SLC9A9: variants seen among roughly 807,000 people sequenced by gnomAD.
SLC9A9 encodes sodium/hydrogen exchanger 9.
SLC9A9 carries 62 observed loss-of-function variants against 77.8 expected under a neutral mutation model. That is an observed-to-expected ratio of 0.80 (90% confidence interval 0.65 to 0.98). The LOEUF is 0.98. Ranked by LOEUF, SLC9A9 falls within the 50% of genes least tolerant of loss-of-function variation. SLC9A9 has a pLI of 0.00. For missense variants in SLC9A9, 775 were observed against 774.9 expected, an observed-to-expected ratio of 1.00 and a Z score of 0.00; for synonymous variants, 320 against 283.5, an observed-to-expected ratio of 1.13 and a Z score of -1.29.
intron 11 of SLC9A9, among the ~76,000 whole-genome samples, chr3:143,486,927 T>C (rs1166738288): frequency 6.6e-6 from 1 of 151,952 alleles, no homozygotes; most frequent in African/African-American, 2.4e-5. Flanking sequence ...ACCTCTTTCT[T>C]ACCAGTAATT....
chr3:143,540,845 C>T (rs2036677064), intron 9 of SLC9A9, among the ~76,000 whole-genome samples: 1 of 152,030 alleles, frequency 6.6e-6, no homozygotes, highest in African/African-American at 2.4e-5. Context: ...ATGTTCAGTG[C>T]CTGACACATT....
At position 143,473,301 on chromosome 3, in the gene SLC9A9, T is replaced by C. The variant is rs147557011; in HGVS notation, c.1316-6111A>G. Among the ~76,000 whole-genome samples the C allele has an allele frequency of 6.8e-3, 1,033 of 152,248 alleles. 4 individuals carry two copies. The highest frequency in any genetic ancestry group is 0.011 in the Admixed American group (165 of 15,284). On this transcript the variant is annotated intron_variant, in intron 11 of 15. Coordinates refer to ENST00000316549, the MANE Select transcript of SLC9A9 (RefSeq NM_173653.4). ...TTCCTCAAAACCTAGCTTTATGAGGTCACGATTCAACTCAGCAAGAAGAAC... is the reference window on the plus strand; with the variant it reads ...TTCCTCAAAACCTAGCTTTATGAGGCCACGATTCAACTCAGCAAGAAGAAC...
Position 143,459,292 on chromosome 3 carries a change from T to C in SLC9A9, c.1469+7745A>G, listed in dbSNP as rs188630853. Among the ~76,000 whole-genome samples, 266 of 152,278 alleles carry C rather than the reference T, an allele frequency of 1.7e-3. 1 individual carries two copies. Among genetic ancestry groups the C allele is most frequent in the African/African-American group, 5.9e-3 (244 of 41,576 alleles). On this transcript the variant is annotated intron_variant, in intron 12 of 15. Transcript: ENST00000316549. ...TGGATCTTGTGAGACATTAAGATTT[T>C]TCTGGGTATTCATATGCTAAAAAAA...
chr3:143,666,363 C>T (rs2039068734), intron 5 of SLC9A9, among the ~76,000 whole-genome samples: 2 of 152,134 alleles, frequency 1.3e-5, no homozygotes, highest in African/African-American at 4.8e-5. Flanking sequence ...GTATGACAAA[C>T]CCACAGCCAA....
In SLC9A9 at chr3:143,612,222, T is replaced by C. The variant is rs528234441; in HGVS notation, c.756-33499A>G. The stretch of plus-strand genomic sequence containing the variant: ...TGTCAGTGTCAAGTTTGAAGAGAAA[T>C]AGATGTCACTACAGCAGCATAGCAG... On this transcript the variant is annotated intron_variant, in intron 6 of 15. Coordinates refer to ENST00000316549, the MANE Select transcript of SLC9A9 (RefSeq NM_173653.4). Among the ~76,000 whole-genome samples the C allele has an allele frequency of 5.8e-4, 89 of 152,314 alleles. No homozygotes were observed. The Middle Eastern group carries it at 0.014, about 23-fold the overall frequency.
chr3:143,530,649 AAAACAAAAC>A (rs1197722067), intron 9 of SLC9A9, among the ~76,000 whole-genome samples: 1 of 146,360 alleles, frequency 6.8e-6, no homozygotes, highest in East Asian at 1.9e-4. Flanking sequence ...AAAACAAAAC[AAAACAAAAC>A]AAACAAACAA....
intron 4 of SLC9A9, among the ~76,000 whole-genome samples, chr3:143,718,842 A>T (rs1050013252): frequency 2.0e-5 from 3 of 152,176 alleles, no homozygotes; most frequent in African/African-American, 7.2e-5. Context: ...AATTGAATAT[A>T]AGGTAAAGAG....
At chr3:143,410,942 C>CT (rs975169564) in intron 12 of SLC9A9, among the ~76,000 whole-genome samples, 25 of 151,942 alleles carry the variant, frequency 1.6e-4, no homozygotes, top group Admixed American at 5.9e-4. Context: ...GTAATTAAAC[C>CT]TTTTTTGGTA....
At chr3:143,699,394 C>A (rs1037278408) in intron 4 of SLC9A9, among the ~76,000 whole-genome samples, 2 of 152,108 alleles carry the variant, frequency 1.3e-5, no homozygotes, top group African/African-American at 4.8e-5. Context: ...CTGGTTTTGA[C>A]TTCATATAGC....
At chr3:143,597,821 A>C (rs1014645636) in intron 6 of SLC9A9, among the ~76,000 whole-genome samples, 1 of 152,226 alleles carries the variant, frequency 6.6e-6, no homozygotes, top group African/African-American at 2.4e-5. Context: ...GATTTATCAA[A>C]GCTGTAAGGA....
At chr3:143,800,352 A>G (rs1576735840) in intron 2 of SLC9A9, among the ~76,000 whole-genome samples, 2 of 152,174 alleles carry the variant, frequency 1.3e-5, no homozygotes. Context: ...TTTAAAGCCT[A>G]CAAATTCTCC....
At chr3:143,478,422 C>T (rs776565900) in intron 11 of SLC9A9, among the ~76,000 whole-genome samples, 10 of 152,100 alleles carry the variant, frequency 6.6e-5, no homozygotes, top group Non-Finnish European at 1.3e-4. Flanking sequence ...CCCCAGTTCT[C>T]GAAGGTGCTT....
intron 11 of SLC9A9, among the ~76,000 whole-genome samples, chr3:143,490,425 A>G (rs2035721303): frequency 6.6e-6 from 1 of 152,160 alleles, no homozygotes; most frequent in South Asian, 2.1e-4. Context: ...CAATCACAAA[A>G]AGACAAATAC....
At chr3:143,813,112 G>A (rs926844512) in intron 2 of SLC9A9, among the ~76,000 whole-genome samples, 15 of 152,120 alleles carry the variant, frequency 9.9e-5, no homozygotes, top group Admixed American at 2.0e-4. Context: ...CTCGGTGCTG[G>A]TTTCATATCT....
intron 1 of SLC9A9, among the ~76,000 whole-genome samples, chr3:143,833,991 A>C (rs567807981): frequency 6.6e-6 from 1 of 152,326 alleles, no homozygotes; most frequent in Non-Finnish European, 1.5e-5. Flanking sequence ...ACCCAATGGT[A>C]ATGTAGAACT....
chr3:143,461,526 C>G (rs2035191916), intron 12 of SLC9A9, among the ~76,000 whole-genome samples: 1 of 152,138 alleles, frequency 6.6e-6, no homozygotes, highest in Non-Finnish European at 1.5e-5. Context: ...TCTGTACACA[C>G]AGAATGCTCA....
At chr3:143,693,427 C>T in intron 4 of SLC9A9, 120 bp from the exon 5 acceptor site, 1 of 785,262 alleles carries the variant, frequency 1.3e-6, no homozygotes, top group African/African-American at 1.7e-5. Flanking sequence ...TTGCCACCAT[C>T]CTGCCAAATG....
rs1937820252 is a variant in SLC9A9 at position 143,268,963 on chromosome 3, A to C, written c.1622T>G (p.Leu541Ter). The C allele has an allele frequency of 6.2e-7, 1 of 1,613,350 alleles. No individual in the cohort carries two copies. The change falls in exon 15 of 16, where the codon TTA becomes TGA. Residue 541 changes from leucine to a stop codon, truncating the protein, a stop_gained. Coordinates refer to ENST00000316549, the MANE Select transcript of SLC9A9 (RefSeq NM_173653.4). LOFTEE classifies it high-confidence loss of function. ...SFDHKYLKPILTHSGPPLTTT... is the reference protein window; with the variant it reads ...SFDHKYLKPI ...AGTCAGCGGAGGACCAGAGTGGGTT[A>C]AAATTGGTTTCAGATACCTGGGAGG... is the stretch of plus-strand genomic sequence containing the variant.
chr3:143,674,988 G>T (rs1035930364), intron 5 of SLC9A9, among the ~76,000 whole-genome samples: 5 of 152,088 alleles, frequency 3.3e-5, no homozygotes, highest in African/African-American at 1.2e-4. Context: ...TTAGAAATGG[G>T]GTGTTGGACT....
Sources: gnomAD v4.1 joint callset for allele counts (sites outside exome capture counted in the v4.1 genomes callset) on GRCh38, gnomAD v4.1.1 for gene constraint, MANE v1.5 for transcripts, NCBI Gene and HGNC (gene_info 2026-07-23, HGNC 2026-07-21) for gene names.